The following SCIN variants were observed in gnomAD, a reference collection of about 807,000 sequenced individuals.
SCIN encodes scinderin.
Under a neutral mutation model 91.8 loss-of-function variants are expected in SCIN, and 91 were observed. That is an observed-to-expected ratio of 0.99 (90% CI 0.84 to 1.18). SCIN has a LOEUF of 1.18. SCIN is among the 50% of genes most tolerant of loss of function. SCIN has a pLI of 0.00. For missense variants in SCIN, 1,087 were observed against 863.9 expected, an observed-to-expected ratio of 1.26 and a Z score of -3.24; for synonymous variants, 367 against 312.6, an observed-to-expected ratio of 1.17 and a Z score of -1.84.
At chr7:12,593,847 A>G (rs1296674104) in intron 3 of SCIN, among the ~76,000 whole-genome samples, 1 of 152,122 alleles carries the variant, frequency 6.6e-6, no homozygotes, top group Non-Finnish European at 1.5e-5. Context: ...TCATCGGCAT[A>G]TGCCTGTGCT....
rs779811260 is a variant in SCIN, at chr7:12,629,099, A to G, written c.1198-2A>G. On this transcript the variant is annotated splice_acceptor_variant, in intron 8 of 15. Transcript: ENST00000297029. LOFTEE classifies it high-confidence loss of function. ...TTGTTGTATATATTCCATTCCTTCCAGATTTGGCGTGTAGAAAACAATGGT... is the reference window on the plus strand; with the variant it reads ...TTGTTGTATATATTCCATTCCTTCCGGATTTGGCGTGTAGAAAACAATGGT... The G allele has an allele frequency of 1.2e-6, 2 of 1,609,240 alleles. No individual in the cohort carries two copies. Among genetic ancestry groups the G allele is most frequent in the Admixed American group, 3.4e-5 (2 of 59,240 alleles).
chr7:12,640,660 A>G, intron 11 of SCIN, 143 bp downstream of exon 11: 1 of 773,386 alleles, frequency 1.3e-6, no homozygotes, highest in Non-Finnish European at 1.8e-6. Flanking sequence ...AATTTTAAAA[A>G]CATTTAAAGC....
chr7:12,618,379 CTT>C (rs1351923077), intron 4 of SCIN, among the ~76,000 whole-genome samples: 4 of 152,086 alleles, frequency 2.6e-5, no homozygotes, highest in Admixed American at 2.6e-4. Context: ...TTCACTTTGT[CTT>C]TTTATCCAAA....
At chr7:12,623,262 C>T (rs1467215210) in intron 5 of SCIN, among the ~76,000 whole-genome samples, 1 of 152,096 alleles carries the variant, frequency 6.6e-6, no homozygotes, top group East Asian at 1.9e-4. Flanking sequence ...GTAAAGTCTT[C>T]ACCCTATTTA....
intron 4 of SCIN, among the ~76,000 whole-genome samples, chr7:12,615,216 T>C (rs1028807065): frequency 1.3e-5 from 2 of 152,154 alleles, no homozygotes; most frequent in Non-Finnish European, 2.9e-5. Context: ...AATAGCACAG[T>C]GTTTGTACTC....
intron 4 of SCIN, among the ~76,000 whole-genome samples, chr7:12,620,192 T>C: frequency 6.6e-6 from 1 of 151,900 alleles, no homozygotes; most frequent in East Asian, 1.9e-4. Context: ...TCAACTCACA[T>C]TGTGTGTGTG....
At chr7:12,583,344 CA>C (rs1322197246) in intron 3 of SCIN, among the ~76,000 whole-genome samples, 3 of 152,138 alleles carry the variant, frequency 2.0e-5, no homozygotes, top group African/African-American at 7.2e-5. Flanking sequence ...GACACACAGT[CA>C]CATCTGGGAA....
chr7:12,651,761 G>A lies in SCIN; in HGVS notation c.1960-80G>A. 1 of 843,886 alleles carries A rather than the reference G, an allele frequency of 1.2e-6. No individual in the cohort carries two copies. Among genetic ancestry groups the A allele is most frequent in the East Asian group, 2.7e-5 (1 of 36,798 alleles). 52.3% of individuals were successfully genotyped at this position (843,886 alleles called of 1,614,324 possible). On this transcript the variant is annotated intron_variant, in intron 14 of 15. Coordinates refer to ENST00000297029, the MANE Select transcript of SCIN (RefSeq NM_001112706.3). The surrounding 1 kb of genome is among the most constrained non-coding windows in gnomAD (Gnocchi z 5.9). The stretch of plus-strand genomic sequence containing the variant: ...TGTGAAGATTGAATGAGCAATGTGT[G>A]TGTGAAGCACTTTACATAGGGCCTA...
At chr7:12,615,145 G>T (rs897082929) in intron 4 of SCIN, among the ~76,000 whole-genome samples, 2 of 152,114 alleles carry the variant, frequency 1.3e-5, no homozygotes, top group Non-Finnish European at 2.9e-5. Flanking sequence ...CAAAAACTTT[G>T]CCAGAAATGT....
intron 3 of SCIN, among the ~76,000 whole-genome samples, chr7:12,604,301 A>G (rs1783025814): frequency 1.3e-5 from 2 of 152,116 alleles, no homozygotes; most frequent in Non-Finnish European, 2.9e-5. Context: ...ATGGTGATAT[A>G]TATATTTATA....
At chr7:12,595,227 G>A (rs974972007) in intron 3 of SCIN, among the ~76,000 whole-genome samples, 1 of 152,076 alleles carries the variant, frequency 6.6e-6, no homozygotes, top group African/African-American at 2.4e-5. Flanking sequence ...ACAGAATGAC[G>A]GGTTTATATG....
chr7:12,593,584 G>A (rs745782385), intron 3 of SCIN, among the ~76,000 whole-genome samples: 2 of 152,110 alleles, frequency 1.3e-5, no homozygotes, highest in East Asian at 3.8e-4. Context: ...GGGTCGATGC[G>A]GGTATATTTT....
chr7:12,580,200 C>T (rs568129261), intron 2 of SCIN, among the ~76,000 whole-genome samples: 11 of 151,790 alleles, frequency 7.2e-5, no homozygotes, highest in Non-Finnish European at 1.5e-4. Context: ...CTATCAGTGA[C>T]AGTTTTGTTT....
intron 4 of SCIN, among the ~76,000 whole-genome samples, chr7:12,617,025 A>G (rs1783313459): frequency 1.3e-5 from 2 of 152,184 alleles, no homozygotes; most frequent in Non-Finnish European, 2.9e-5. Flanking sequence ...ACTGCTTTAT[A>G]AAATCATTAG....
chr7:12,601,026 ATTCTTT>A lies in SCIN; in HGVS notation c.517-3486_517-3481del, dbSNP rs1295028579. 2.6e-5 allele frequency among the ~76,000 whole-genome samples: 4 copies of A among 152,220 alleles called. No homozygotes were observed. In the East Asian group the frequency reaches 7.7e-4, roughly 29 times the overall value. ...TAAAAAGAAGCAATAGAAGTGCACT[ATTCTTT>A]TAGAAATAGGAAAGAAACACCCTTT... On this transcript the variant is annotated intron_variant, in intron 3 of 15. Coordinates refer to ENST00000297029, the MANE Select transcript of SCIN (RefSeq NM_001112706.3).
chr7:12,625,033 G>T lies in SCIN; in HGVS notation c.783G>T (p.Met261Ile). ...LYMVSDASGSMRVTVVAEENP... is the reference protein window; with the variant it reads ...LYMVSDASGSIRVTVVAEENP... The stretch of plus-strand genomic sequence containing the variant: ...AGGTTTCAGATGCAAGTGGCTCCAT[G>T]AGAGTGACTGTGGTGGCAGAAGAAA... The change falls in exon 6 of 16, where the codon ATG (methionine) becomes ATT (isoleucine). Residue 261 changes from methionine to isoleucine, a missense_variant. Physicochemically the swap from Met to Ile is conservative, Grantham distance 10. Coordinates refer to ENST00000297029, the MANE Select transcript of SCIN (RefSeq NM_001112706.3). 1 of 1,569,056 alleles carries T rather than the reference G, an allele frequency of 6.4e-7. No individual in the cohort carries two copies. Among genetic ancestry groups the T allele is most frequent in the Non-Finnish European group, 8.7e-7 (1 of 1,155,484 alleles).
rs1241421956 is a variant in SCIN, at chr7:12,625,926, A to AAT, written c.981+77_981+78insTA. The AAT allele has an allele frequency of 1.4e-5, 15 of 1,080,124 alleles. No homozygotes were observed. The African/African-American group carries it at 2.4e-4, about 17-fold the overall frequency. 66.9% of individuals were successfully genotyped at this position (1,080,124 alleles called of 1,614,324 possible). A position where few individuals can be genotyped will look rare whatever the true frequency, so the allele number is the denominator to read the frequency against. ...ATGACATCTCCACGAAACTCATGAA[A>AAT]AAGTTTGGGTCAAAGTAACGTCTGT... On this transcript the variant is annotated intron_variant, in intron 7 of 15. Coordinates refer to ENST00000297029, the MANE Select transcript of SCIN (RefSeq NM_001112706.3).
rs767540420 is a variant in SCIN at position 12,587,535 on chromosome 7, A to T, written c.516+6314A>T. On this transcript the variant is annotated intron_variant, in intron 3 of 15. Coordinates refer to ENST00000297029, the MANE Select transcript of SCIN (RefSeq NM_001112706.3). ...TTTAGTCTTCTGATGTCATGGCCACATATCACTACAACACCCTTTCTGGTT... is the reference window on the plus strand; with the variant it reads ...TTTAGTCTTCTGATGTCATGGCCACTTATCACTACAACACCCTTTCTGGTT... 2.0e-5 allele frequency among the ~76,000 whole-genome samples: 3 copies of T among 152,212 alleles called. No individual in the cohort carries two copies. In the South Asian group the frequency reaches 6.2e-4, roughly 31 times the overall value.
intron 1 of SCIN, among the ~76,000 whole-genome samples, chr7:12,575,905 C>A: frequency 6.6e-6 from 1 of 152,232 alleles, no homozygotes; most frequent in Middle Eastern, 3.4e-3. Flanking sequence ...TCATCAAGAC[C>A]GTCAACCTCA....
Sources: allele counts gnomAD v4.1 joint callset (sites outside exome capture counted in the v4.1 genomes callset), GRCh38; gene constraint gnomAD v4.1.1; non-coding constraint Gnocchi (gnomAD v3.1); transcripts MANE v1.5; gene names NCBI Gene and HGNC (gene_info 2026-07-23, HGNC 2026-07-21).